The following GPRIN3 variants were observed in gnomAD, a reference collection of about 807,000 sequenced individuals.
GPRIN3 encodes GPRIN family member 3, also known as G protein-regulated inducer of neurite outgrowth 3.
GPRIN3 carries 12 observed loss-of-function variants against 13.7 expected under a neutral mutation model. The observed-to-expected ratio is 0.87, with a 90% CI of 0.56 to 1.42. GPRIN3 has a LOEUF of 1.42. Ranked by LOEUF, GPRIN3 falls within the 40% of genes most tolerant of loss-of-function variation. The pLI, the probability that GPRIN3 is intolerant of heterozygous loss-of-function variation, is 0.00. For missense variants in GPRIN3, 1,009 were observed against 958.7 expected (o/e 1.05, Z -0.69); for synonymous variants, 377 against 372.7 (o/e 1.01, Z -0.13).
At chr4:89,289,607 T>TTGTTACA (rs772258415) in intron 1 of GPRIN3, among the ~76,000 whole-genome samples, 7 of 152,160 alleles carry the variant, frequency 4.6e-5, no homozygotes, top group Admixed American at 1.3e-4. Context: ...AACTGAGGTT[T>TTGTTACA]CAGAAACGTA....
At chr4:89,270,047 A>T (rs1458610433) in intron 1 of GPRIN3, among the ~76,000 whole-genome samples, 1 of 152,196 alleles carries the variant, frequency 6.6e-6, no homozygotes, top group Non-Finnish European at 1.5e-5. Context: ...AATATTTAGC[A>T]TGATTTGTCC....
At chr4:89,270,564 T>TG in intron 1 of GPRIN3, among the ~76,000 whole-genome samples, 2 of 67,572 alleles carry the variant, frequency 3.0e-5, no homozygotes, top group African/African-American at 1.7e-4. Flanking sequence ...ATGTATATAA[T>TG]TTATATATAT....
At position 89,290,206 on chromosome 4, in the gene GPRIN3, C is replaced by T. The variant is rs558416065; in HGVS notation, c.-124+17409G>A. ...CTGGCCTCAAACTCCTGAGGCTCAA[C>T]CCATCCTCTTGCGTAGGCCTCCCAA... On this transcript the variant is annotated intron_variant, in intron 1 of 1. Transcript: ENST00000609438. Among the ~76,000 whole-genome samples, 9 of 151,928 alleles carry T rather than the reference C, an allele frequency of 5.9e-5. 1 individual carries two copies. Among genetic ancestry groups the T allele is most frequent in the African/African-American group, 2.2e-4 (9 of 41,490 alleles).
intron 1 of GPRIN3, among the ~76,000 whole-genome samples, chr4:89,258,850 A>G (rs188377193): frequency 6.4e-4 from 97 of 152,330 alleles, no homozygotes; most frequent in African/African-American, 2.2e-3. Context: ...GCACATTAGT[A>G]TCCTTTTCTC....
rs558915886 is a variant in GPRIN3, at chr4:89,249,723, C to T, written c.388G>A (p.Ala130Thr). The change falls in exon 2 of 2, where the codon GCC becomes ACC. Residue 130 changes from alanine to threonine, a missense_variant. Coordinates refer to ENST00000609438, the MANE Select transcript of GPRIN3 (RefSeq NM_198281.3). ...DLIHTPLTMPANQHTCQSIPG... is the reference protein window; with the variant it reads ...DLIHTPLTMPTNQHTCQSIPG... ...ATGGACTGGCAGGTGTGCTGATTGG[C>T]GGGCATTGTCAATGGTGTGTGTATA... 23 of 1,614,126 alleles carry T rather than the reference C, an allele frequency of 1.4e-5. No homozygotes were observed. Among genetic ancestry groups the T allele is most frequent in the Admixed American group, 5.0e-5 (3 of 60,024 alleles).
At chr4:89,289,418 T>TTGTC (rs1333983180) in intron 1 of GPRIN3, among the ~76,000 whole-genome samples, 1 of 151,982 alleles carries the variant, frequency 6.6e-6, no homozygotes, top group African/African-American at 2.4e-5. Context: ...GTCCCTTACC[T>TTGTC]CCTAGAGTCA....
chr4:89,290,030 G>T lies in GPRIN3; in HGVS notation c.-124+17585C>A, dbSNP rs28405433. On this transcript the variant is annotated intron_variant, in intron 1 of 1. Coordinates refer to ENST00000609438, the MANE Select transcript of GPRIN3 (RefSeq NM_198281.3). ...TGTTTTGTTTTGTTTTTGAGACAGG[G>T]ACTCACTCTGTCACCCAGGCTGGAG... is the stretch of plus-strand genomic sequence containing the variant. Among the ~76,000 whole-genome samples, 421 of 151,508 alleles carry T rather than the reference G, an allele frequency of 2.8e-3. 5 individuals are homozygous for T. The highest frequency in any genetic ancestry group is 1.0e-2 in the African/African-American group (413 of 41,386).
intron 1 of GPRIN3, among the ~76,000 whole-genome samples, chr4:89,257,621 C>T (rs531724558): frequency 2.0e-5 from 3 of 152,230 alleles, no homozygotes; most frequent in Middle Eastern, 3.4e-3. Flanking sequence ...TTGTGCAGAC[C>T]GAATTTAAAT....
At chr4:89,254,648 T>C (rs113529041) in intron 1 of GPRIN3, among the ~76,000 whole-genome samples, 2,314 of 152,318 alleles carry the variant, frequency 0.015, 56 homozygotes, top group African/African-American at 0.053. Flanking sequence ...TTAGGTTGAT[T>C]CCATGTCTTT....
rs1206518609 is a variant in GPRIN3 at position 89,238,238 on chromosome 4, A to G, written c.*9542T>C. On this transcript the variant is annotated 3_prime_UTR_variant, in exon 2 of 2. Coordinates refer to ENST00000609438, the MANE Select transcript of GPRIN3 (RefSeq NM_198281.3). ...TTGTTTTGAGATTTGGGTTTCATAT[A>G]TCTTGTACCTCTCCTTCTTTACAGA... The G allele has an allele frequency of 6.6e-6, 1 of 152,194 alleles. No homozygotes were observed. The highest frequency in any genetic ancestry group is 2.4e-5 in the African/African-American group (1 of 41,444). The allele number at this position is 152,194 out of a possible 1,614,324, so 9.4% of individuals were successfully genotyped here. A position where few individuals can be genotyped will look rare whatever the true frequency, so the allele number is the denominator to read the frequency against.
intron 1 of GPRIN3, among the ~76,000 whole-genome samples, chr4:89,304,443 C>A (rs888876321): frequency 2.0e-5 from 3 of 151,996 alleles, no homozygotes; most frequent in African/African-American, 4.8e-5. Context: ...TAAGGAATTT[C>A]ATGAACAATA....
At chr4:89,306,854 T>C (rs1725046799) in intron 1 of GPRIN3, among the ~76,000 whole-genome samples, 1 of 152,188 alleles carries the variant, frequency 6.6e-6, no homozygotes. Flanking sequence ...CAGTGGCATA[T>C]TAAGTACCTC....
chr4:89,301,211 A>C (rs1463171222), intron 1 of GPRIN3, among the ~76,000 whole-genome samples: 2 of 152,182 alleles, frequency 1.3e-5, no homozygotes, highest in Non-Finnish European at 2.9e-5. Flanking sequence ...AACTCCAAGA[A>C]AGTGGAACTC....
At chr4:89,288,017 T>G (rs983530015) in intron 1 of GPRIN3, among the ~76,000 whole-genome samples, 2 of 152,194 alleles carry the variant, frequency 1.3e-5, no homozygotes, top group African/African-American at 4.8e-5. Context: ...GCGCTCATGA[T>G]TTTTGACTGA....
intron 1 of GPRIN3, among the ~76,000 whole-genome samples, chr4:89,252,213 T>G (rs1396924611): frequency 6.6e-6 from 1 of 152,110 alleles, no homozygotes; most frequent in Non-Finnish European, 1.5e-5. Context: ...ACTCAAGTGA[T>G]CCTCCTGCCT....
chr4:89,266,905 A>C (rs1723796557), intron 1 of GPRIN3, among the ~76,000 whole-genome samples: 1 of 152,172 alleles, frequency 6.6e-6, no homozygotes. Context: ...TATAGTTCTT[A>C]ATTTTTACTA....
intron 1 of GPRIN3, among the ~76,000 whole-genome samples, chr4:89,305,848 C>A (rs1725020286): frequency 1.3e-5 from 2 of 152,214 alleles, no homozygotes; most frequent in South Asian, 2.1e-4. Flanking sequence ...TGACACTGAT[C>A]TGACTCATAC....
At position 89,250,112 on chromosome 4, in the gene GPRIN3, G is replaced by A; in HGVS notation, c.-2C>T. On this transcript the variant is annotated 5_prime_UTR_variant, in exon 2 of 2. Coordinates refer to ENST00000609438, the MANE Select transcript of GPRIN3 (RefSeq NM_198281.3). ...CAGAGGGTCAGGTACAGTCCCCATG[G>A]AATTTCTCTTCAGGAGCACTCCAGA... 2.5e-6 allele frequency: 4 copies of A among 1,609,718 alleles called. No individual in the cohort carries two copies. The South Asian group carries it at 4.4e-5, about 18-fold the overall frequency.
chr4:89,258,619 A>C (rs568992286), intron 1 of GPRIN3, among the ~76,000 whole-genome samples: 2 of 152,330 alleles, frequency 1.3e-5, no homozygotes, highest in Admixed American at 1.3e-4. Context: ...CTGGAAACTT[A>C]GCAAGGCCTG....
Sources: gnomAD v4.1 joint callset for allele counts (sites outside exome capture counted in the v4.1 genomes callset) on GRCh38, gnomAD v4.1.1 for gene constraint, MANE v1.5 for transcripts, NCBI Gene and HGNC (gene_info 2026-07-23, HGNC 2026-07-21) for gene names.